FAM227B: variants seen among roughly 807,000 people sequenced by gnomAD.
FAM227B encodes family with sequence similarity 227 member B.
FAM227B carries 88 observed loss-of-function variants against 73.8 expected under a neutral mutation model. That is an observed-to-expected ratio of 1.19 (90% CI 1.00 to 1.42). FAM227B has a LOEUF of 1.42. Among genes scored for constraint, FAM227B ranks in the 40% most tolerant of loss-of-function variants. FAM227B has a pLI of 0.00. For missense variants in FAM227B, 632 were observed against 590.9 expected (o/e 1.07, Z -0.72); for synonymous variants, 210 against 190.5 (o/e 1.10, Z -0.84).
At chr15:49,494,591 T>C (rs898125727) in intron 11 of FAM227B, among the ~76,000 whole-genome samples, 2 of 152,266 alleles carry the variant, frequency 1.3e-5, no homozygotes, top group Non-Finnish European at 2.9e-5. Context: ...CTCTTTTTTT[T>C]CCCTCACACA....
At chr15:49,436,947 T>C (rs2051159571) in intron 11 of FAM227B, among the ~76,000 whole-genome samples, 1 of 151,632 alleles carries the variant, frequency 6.6e-6, no homozygotes, top group Admixed American at 6.6e-5. Flanking sequence ...AAAAACTTAC[T>C]CCAAGTTTCC....
intron 13 of FAM227B, among the ~76,000 whole-genome samples, chr15:49,347,930 A>T (rs1008299245): frequency 2.0e-5 from 3 of 149,622 alleles, no homozygotes; most frequent in African/African-American, 7.4e-5. Flanking sequence ...GAGGCAGGAG[A>T]ATTGTTTGAT....
intron 9 of FAM227B, among the ~76,000 whole-genome samples, chr15:49,559,764 G>A (rs111887084): frequency 0.029 from 4,389 of 151,936 alleles, 219 homozygotes; most frequent in African/African-American, 0.1. Flanking sequence ...GTGAAACCCC[G>A]TCTCTACTAA....
intron 13 of FAM227B, among the ~76,000 whole-genome samples, chr15:49,361,036 G>A (rs1041848900): frequency 4.6e-5 from 7 of 152,106 alleles, no homozygotes; most frequent in African/African-American, 1.7e-4. Flanking sequence ...GCGGAATAGG[G>A]AGGTTTTGGT....
chr15:49,471,484 AAATAATAATAATAATAATAATAATAAT>A (rs201297260), intron 11 of FAM227B, among the ~76,000 whole-genome samples: 4 of 137,860 alleles, frequency 2.9e-5, no homozygotes, highest in Non-Finnish European at 6.2e-5. Context: ...CTCTATCTCA[AAATAATAATAATAATAATAATAATAAT>A]AATAATAATA....
At chr15:49,610,846 ATG>A (rs1255457729) in intron 3 of FAM227B, among the ~76,000 whole-genome samples, 1 of 152,198 alleles carries the variant, frequency 6.6e-6, no homozygotes, top group Non-Finnish European at 1.5e-5. Context: ...AGGAATATTG[ATG>A]TAACACCTCT....
chr15:49,473,834 T>C (rs1227824237), intron 11 of FAM227B, among the ~76,000 whole-genome samples: 1 of 152,146 alleles, frequency 6.6e-6, no homozygotes, highest in Non-Finnish European at 1.5e-5. Flanking sequence ...AACTCACTTT[T>C]AATTCTACAC....
intron 11 of FAM227B, among the ~76,000 whole-genome samples, chr15:49,399,019 A>G (rs1193758458): frequency 9.0e-6 from 1 of 111,368 alleles, no homozygotes; most frequent in African/African-American, 3.3e-5. Flanking sequence ...TGAAGGAAAT[A>G]GAGACACAAA....
intron 11 of FAM227B, among the ~76,000 whole-genome samples, chr15:49,393,019 GAAGAA>G (rs2047319035): frequency 6.6e-6 from 1 of 152,146 alleles, no homozygotes; most frequent in Non-Finnish European, 1.5e-5. Context: ...TGAAAATCAT[GAAGAA>G]AAGAGGAGCA....
rs528820345 is a variant in FAM227B, at chr15:49,453,642, C to T, written c.1012+54569G>A. Reference sequence around the variant, plus strand: ...ACCATATTTTTCTGCTCATACATTCCGAGGTAATTGTATCTAGACTCATGA... The same window carrying T: ...ACCATATTTTTCTGCTCATACATTCTGAGGTAATTGTATCTAGACTCATGA... On this transcript the variant is annotated intron_variant, in intron 11 of 15. Transcript: ENST00000299338. Among the ~76,000 whole-genome samples, 154 of 152,150 alleles carry T rather than the reference C, an allele frequency of 1.0e-3. 5 individuals carry two copies. The South Asian group carries it at 0.027, about 27-fold the overall frequency.
intron 11 of FAM227B, among the ~76,000 whole-genome samples, chr15:49,378,389 G>T (rs936053463): frequency 6.6e-6 from 1 of 151,572 alleles, no homozygotes; most frequent in Non-Finnish European, 1.5e-5. Context: ...AGATTGCTTT[G>T]GTTAGTATGA....
intron 11 of FAM227B, chr15:49,485,770 G>C (rs1392986060): frequency 2.0e-5 from 3 of 152,312 alleles, no homozygotes; most frequent in African/African-American, 7.2e-5. Flanking sequence ...GTATTTACAG[G>C]ATTTTAAAGT....
chr15:49,364,122 G>A (rs778677457), intron 13 of FAM227B, among the ~76,000 whole-genome samples: 2 of 152,092 alleles, frequency 1.3e-5, no homozygotes, highest in Non-Finnish European at 2.9e-5. Context: ...GGATGATGCT[G>A]GCCTCAGAAT....
intron 11 of FAM227B, among the ~76,000 whole-genome samples, chr15:49,501,823 T>C (rs7169799): frequency 0.37 from 56,810 of 152,100 alleles, 12,327 homozygotes; most frequent in East Asian, 0.54. Context: ...CCCTGAGGCC[T>C]AGGAAGACTA....
intron 10 of FAM227B, among the ~76,000 whole-genome samples, chr15:49,515,366 C>T (rs772855835): frequency 6.6e-6 from 1 of 152,138 alleles, no homozygotes; most frequent in Non-Finnish European, 1.5e-5. Flanking sequence ...ATGCATGTTG[C>T]GTACCTTTTC....
chr15:49,360,426 C>G (rs1005593819), intron 13 of FAM227B, among the ~76,000 whole-genome samples: 3 of 152,042 alleles, frequency 2.0e-5, no homozygotes, highest in Admixed American at 1.3e-4. Flanking sequence ...GAGACCCATA[C>G]AGACTACACC....
chr15:49,589,923 C>A lies in FAM227B; in HGVS notation c.190G>T (p.Val64Phe). 1 of 1,598,162 alleles carries A rather than the reference C, an allele frequency of 6.3e-7. No individual in the cohort carries two copies. The highest frequency in any genetic ancestry group is 8.6e-7 in the Non-Finnish European group (1 of 1,165,698). The change falls in exon 4 of 16, where the codon GTT (valine) becomes TTT (phenylalanine). Residue 64 changes from valine to phenylalanine, a missense_variant. Physicochemically the swap from Val to Phe is conservative, Grantham distance 50 (BLOSUM62 -1). Transcript: ENST00000299338. Reference protein sequence around the residue: ...LKKIKEDSSFVSIYTHLWENV... With the variant: ...LKKIKEDSSFFSIYTHLWENV... ...TCCCATAGGTGTGTATAAATTGAAA[C>A]AAATGAACTATCTTCTTTTATTTTT...
intron 10 of FAM227B, among the ~76,000 whole-genome samples, chr15:49,517,515 T>C (rs2152141377): frequency 6.6e-6 from 1 of 152,260 alleles, no homozygotes; most frequent in Non-Finnish European, 1.5e-5. Context: ...GAGAAAATCA[T>C]TCATGAGAAT....
intron 13 of FAM227B, among the ~76,000 whole-genome samples, chr15:49,338,413 G>A (rs1419575341): frequency 6.6e-6 from 1 of 152,084 alleles, no homozygotes; most frequent in Non-Finnish European, 1.5e-5. Context: ...ATGAAATTCT[G>A]GGTTGAAAAT....
Sources: allele counts gnomAD v4.1 joint callset (sites outside exome capture counted in the v4.1 genomes callset), GRCh38; gene constraint gnomAD v4.1.1; transcripts MANE v1.5; gene names NCBI Gene and HGNC (gene_info 2026-07-23, HGNC 2026-07-21).